MIGA2: variants seen among roughly 807,000 people sequenced by gnomAD.
MIGA2 encodes family with sequence similarity 73, member B.
MIGA2 carries 36 observed loss-of-function variants against 69.9 expected under a neutral mutation model. That is an observed-to-expected ratio of 0.52 (90% CI 0.39 to 0.68). The LOEUF (loss-of-function observed/expected upper bound fraction) is 0.68, where lower values mean the gene tolerates loss of function less well. Ranked by LOEUF, MIGA2 falls within the 30% of genes least tolerant of loss-of-function variation. The pLI is 0.00. For synonymous variants in MIGA2, 333 were observed against 349.2 expected (o/e 0.95, Z 0.52); for missense variants, 660 against 787.7 (o/e 0.84, Z 1.94).
intron 3 of MIGA2, among the ~76,000 whole-genome samples, chr9:129,042,921 G>A (rs1251889834): frequency 1.3e-5 from 2 of 152,138 alleles, no homozygotes; most frequent in Non-Finnish European, 2.9e-5. Context: ...TAGGCCGGGC[G>A]CGGTGGCTCA....
chr9:129,068,285 C>T lies in MIGA2; in HGVS notation c.1357C>T (p.Leu453Phe), dbSNP rs1245788840. Residue 453 changes from leucine (L) to phenylalanine (F), a missense_variant, in exon 13 of 16, where the codon CTC (leucine) becomes TTC (phenylalanine). By Grantham distance (22) the Leu-to-Phe change is conservative. Coordinates refer to ENST00000684074, the MANE Select transcript of MIGA2 (RefSeq NM_001329990.2). The surrounding 1 kb of genome is among the most constrained non-coding windows in gnomAD (Gnocchi z 4.1). ...EDLENPPASV[L>F]AVLRNRWLSD... Reference sequence around the variant, plus strand: ...CCTGGAGAACCCTCCGGCCTCGGTGCTCGCCGTCCTGCGGAACCGCTGGCT... The same window carrying T: ...CCTGGAGAACCCTCCGGCCTCGGTGTTCGCCGTCCTGCGGAACCGCTGGCT... 6.2e-7 allele frequency: 1 copy of T among 1,611,332 alleles called. No homozygotes were observed. The highest frequency in any genetic ancestry group is 2.2e-5 in the East Asian group (1 of 44,858).
chr9:129,053,557 G>T (rs1260782944), intron 6 of MIGA2, among the ~76,000 whole-genome samples: 1 of 151,984 alleles, frequency 6.6e-6, no homozygotes, highest in Non-Finnish European at 1.5e-5. Flanking sequence ...AGTAGAGATG[G>T]AGTTTCACCA....
rs562145917 is a variant in MIGA2, at chr9:129,060,847, G to A, written c.894+197G>A. Among the ~76,000 whole-genome samples the A allele has an allele frequency of 1.3e-4, 20 of 152,226 alleles. No individual in the cohort carries two copies. The highest frequency in any genetic ancestry group is 6.5e-5 in the Admixed American group (1 of 15,288). ...TCGGGGGCTGTTGTCCTGTGGGTGA[G>A]AGCAGGGGTTCCACCCCGAAGGGCT... On this transcript the variant is annotated intron_variant, in intron 8 of 15. Coordinates refer to ENST00000684074, the MANE Select transcript of MIGA2 (RefSeq NM_001329990.2). This position sits in a 1 kb window ranked among gnomAD's most constrained non-coding sequence, Gnocchi z 4.8.
At chr9:129,050,976 C>T (rs983529307) in intron 6 of MIGA2, among the ~76,000 whole-genome samples, 3 of 150,950 alleles carry the variant, frequency 2.0e-5, no homozygotes, top group Non-Finnish European at 4.4e-5. Flanking sequence ...CGGGTTTAAG[C>T]GATTCTTCTG....
chr9:129,046,366 T>C (rs1346178494), intron 3 of MIGA2, among the ~76,000 whole-genome samples: 2 of 152,148 alleles, frequency 1.3e-5, no homozygotes, highest in Non-Finnish European at 2.9e-5. Flanking sequence ...GTATAGTGGC[T>C]TGTACCTGTA....
At chr9:129,052,117 C>A (rs140081973) in intron 6 of MIGA2, among the ~76,000 whole-genome samples, 1 of 151,714 alleles carries the variant, frequency 6.6e-6, no homozygotes. Flanking sequence ...TGAGCCACCG[C>A]GCCCAGCCTG....
intron 3 of MIGA2, among the ~76,000 whole-genome samples, chr9:129,042,932 C>G (rs1049228702): frequency 1.3e-5 from 2 of 152,170 alleles, no homozygotes; most frequent in South Asian, 4.1e-4. Context: ...CGGTGGCTCA[C>G]GCCTGTAATC....
At chr9:129,041,106 A>T (rs1174784027) in intron 2 of MIGA2, among the ~76,000 whole-genome samples, 1 of 152,152 alleles carries the variant, frequency 6.6e-6, no homozygotes, top group Admixed American at 6.6e-5. Context: ...AAGCTGAAGC[A>T]GGTGGATCAC....
chr9:129,041,141 C>A (rs527515352), intron 2 of MIGA2, among the ~76,000 whole-genome samples: 1 of 152,260 alleles, frequency 6.6e-6, no homozygotes, highest in South Asian at 2.1e-4. Flanking sequence ...TCAAGACCAG[C>A]CTGACCAATA....
Position 129,068,454 on chromosome 9 carries a change from G to T in MIGA2, c.1404+122G>T. On this transcript the variant is annotated intron_variant, in intron 13 of 15. Coordinates refer to ENST00000684074, the MANE Select transcript of MIGA2 (RefSeq NM_001329990.2). The surrounding 1 kb of genome is among the most constrained non-coding windows in gnomAD (Gnocchi z 4.1). The stretch of plus-strand genomic sequence containing the variant: ...CTGGGCCCCCACCCCCTAGATCCGC[G>T]GCTGCCAGGCCTGGGAGACCAGAGT... The T allele has an allele frequency of 7.2e-7, 1 of 1,393,012 alleles. No homozygotes were observed. Among genetic ancestry groups the T allele is most frequent in the Non-Finnish European group, 9.7e-7 (1 of 1,027,946 alleles). 86.3% of individuals were successfully genotyped at this position (1,393,012 alleles called of 1,614,324 possible).
At chr9:129,038,392 C>T (rs999506806) in intron 1 of MIGA2, among the ~76,000 whole-genome samples, 4 of 152,128 alleles carry the variant, frequency 2.6e-5, no homozygotes, top group East Asian at 3.8e-4. Flanking sequence ...CTTGAGGTCC[C>T]GGGAGACCTT....
chr9:129,065,605 C>T (rs1846298890), intron 11 of MIGA2, among the ~76,000 whole-genome samples: 1 of 152,168 alleles, frequency 6.6e-6, no homozygotes, highest in Admixed American at 6.5e-5. Flanking sequence ...CCGCTTCAGC[C>T]TCCCAAAGTG....
intron 6 of MIGA2, among the ~76,000 whole-genome samples, chr9:129,052,208 C>T (rs1845584768): frequency 6.6e-6 from 1 of 151,956 alleles, no homozygotes; most frequent in Admixed American, 6.6e-5. Flanking sequence ...TCACTGCAGC[C>T]TCCACCTCCT....
chr9:129,068,920 A>C lies in MIGA2; in HGVS notation c.1405-156A>C, dbSNP rs1399021485. 1 of 772,308 alleles carries C rather than the reference A, an allele frequency of 1.3e-6. No homozygotes were observed. Among genetic ancestry groups the C allele is most frequent in the East Asian group, 2.5e-5 (1 of 40,736 alleles). The allele number at this position is 772,308 out of a possible 1,614,324, so 47.8% of individuals were successfully genotyped here. A position where few individuals can be genotyped will look rare whatever the true frequency, so the allele number is the denominator to read the frequency against. ...TTTAGGTATGTCTGAGTCCAAAATCAGAGGAGGAAGCAGCAGAGCTTAGGC... is the reference window on the plus strand; with the variant it reads ...TTTAGGTATGTCTGAGTCCAAAATCCGAGGAGGAAGCAGCAGAGCTTAGGC... On this transcript the variant is annotated intron_variant, in intron 13 of 15. Coordinates refer to ENST00000684074, the MANE Select transcript of MIGA2 (RefSeq NM_001329990.2). This position sits in a 1 kb window ranked among gnomAD's most constrained non-coding sequence, Gnocchi z 4.1.
Position 129,042,427 on chromosome 9 carries a change from C to T in MIGA2, c.220C>T (p.Gln74Ter). The T allele has an allele frequency of 6.2e-7, 1 of 1,612,980 alleles. No homozygotes were observed. Among genetic ancestry groups the T allele is most frequent in the South Asian group, 1.1e-5 (1 of 90,872 alleles). Residue 74 changes from glutamine (Q) to a stop codon, truncating the protein, a stop_gained, in exon 3 of 16, where the codon CAG becomes TAG. Transcript: ENST00000684074. LOFTEE classifies it high-confidence loss of function. ...GAAGAGGCGACGGAGGAGGAAGAAG[C>T]AGGTTGGTCCCGAGATGGGAGGGGA... Reference protein sequence around the residue: ...QLKRRRRRKKQVGPEMGGEQL... With the variant: ...QLKRRRRRKK
At chr9:129,055,533 T>G (rs1356353056) in intron 6 of MIGA2, among the ~76,000 whole-genome samples, 1 of 152,112 alleles carries the variant, frequency 6.6e-6, no homozygotes, top group Non-Finnish European at 1.5e-5. Flanking sequence ...TTCCAAAAAA[T>G]TCTTCTATAT....
Position 129,049,475 on chromosome 9 carries a change from A to C in MIGA2, c.515A>C (p.Asn172Thr), listed in dbSNP as rs748414039. 3.1e-6 allele frequency: 5 copies of C among 1,613,488 alleles called. No homozygotes were observed. Among genetic ancestry groups the C allele is most frequent in the Admixed American group, 3.3e-5 (2 of 59,934 alleles). The change falls in exon 5 of 16, where the codon AAT becomes ACT. Residue 172 changes from asparagine to threonine, a missense_variant. This residue lies in a region of MIGA2 where 386 missense variants were observed against 402.0 expected (regional missense o/e 0.96). Transcript: ENST00000684074. ...GAGTCTCTGACCACCAGCGACGGCAATGCAGAGAGCCTGTACATGCAAGGT... is the reference window on the plus strand; with the variant it reads ...GAGTCTCTGACCACCAGCGACGGCACTGCAGAGAGCCTGTACATGCAAGGT... ...MEESLTTSDG[N>T]AESLYMQGME...
At chr9:129,037,471 G>A (rs1398823109) in intron 1 of MIGA2, among the ~76,000 whole-genome samples, 1 of 152,182 alleles carries the variant, frequency 6.6e-6, no homozygotes, top group Non-Finnish European at 1.5e-5. Context: ...CCTTGCCGTG[G>A]GCTTTTCATT....
Position 129,069,546 on chromosome 9 carries a change from TC to T in MIGA2, c.1459-299del. ...TGCTATCTGGCCTGTGGTTTGTCGT[TC>T]CCCTCTGCGGGCCAGGCTCTGTTGC... On this transcript the variant is annotated intron_variant, in intron 14 of 15. Coordinates refer to ENST00000684074, the MANE Select transcript of MIGA2 (RefSeq NM_001329990.2). This position sits in a 1 kb window ranked among gnomAD's most constrained non-coding sequence, Gnocchi z 4.9. 1.9e-6 allele frequency: 1 copy of T among 522,592 alleles called. No individual in the cohort carries two copies. The highest frequency in any genetic ancestry group is 3.5e-6 in the Non-Finnish European group (1 of 288,252). 32.4% of individuals were successfully genotyped at this position (522,592 alleles called of 1,614,324 possible).
Sources: allele counts gnomAD v4.1 joint callset (sites outside exome capture counted in the v4.1 genomes callset), GRCh38; gene constraint gnomAD v4.1.1; regional missense constraint gnomAD v4.1.1; non-coding constraint Gnocchi (gnomAD v3.1); transcripts MANE v1.5; gene names NCBI Gene and HGNC (gene_info 2026-07-23, HGNC 2026-07-21).